RAI1: variants seen among roughly 807,000 people sequenced by gnomAD.
The protein encoded by RAI1 is retinoic acid induced 1, also known as retinoic acid-induced protein 1.
Under a neutral mutation model 123.8 loss-of-function variants are expected in RAI1, and 9 were observed. The observed-to-expected ratio is 0.07, with a 90% CI of 0.04 to 0.13. RAI1 has a LOEUF of 0.13. Among genes scored for constraint, RAI1 ranks in the 10% least tolerant of loss-of-function variants. The pLI, the probability that RAI1 is intolerant of heterozygous loss-of-function variation, is 1.00. For synonymous variants in RAI1, 1,231 were observed against 1,127.3 expected (o/e 1.09, Z -1.84); for missense variants, 2,256 against 2,545.8 (o/e 0.89, Z 2.45).
At chr17:17,731,230 A>C (rs1158704075) in intron 2 of RAI1, among the ~76,000 whole-genome samples, 1 of 152,188 alleles carries the variant, frequency 6.6e-6, no homozygotes. Context: ...CATCTGATTC[A>C]TGCCTCGTTT....
chr17:17,702,920 G>A (rs905615219), intron 1 of RAI1, among the ~76,000 whole-genome samples: 1 of 152,216 alleles, frequency 6.6e-6, no homozygotes, highest in African/African-American at 2.4e-5. Context: ...TTGTAACTGC[G>A]GAGCTGTGCG....
At chr17:17,705,372 G>A (rs540281737) in intron 1 of RAI1, among the ~76,000 whole-genome samples, 2 of 152,334 alleles carry the variant, frequency 1.3e-5, no homozygotes, top group African/African-American at 2.4e-5. Flanking sequence ...GGTCACGCCT[G>A]TAATCCGAGC....
rs1457713614 is a variant in RAI1, at chr17:17,799,473, T to C, written c.5565+960T>C. ...GGGGTGCACCTCTCCCCCGGGGCCA[T>C]GCTTCTGCCCCCACATTCAACCCCG... On this transcript the variant is annotated intron_variant, in intron 3 of 5. Coordinates refer to ENST00000353383, the MANE Select transcript of RAI1 (RefSeq NM_030665.4). This position sits in a 1 kb window ranked among gnomAD's most constrained non-coding sequence, Gnocchi z 4.5. 6.6e-6 allele frequency among the ~76,000 whole-genome samples: 1 copy of C among 152,082 alleles called. No homozygotes were observed. The highest frequency in any genetic ancestry group is 2.4e-5 in the African/African-American group (1 of 41,386).
chr17:17,770,321 A>G (rs2031102475), intron 2 of RAI1, among the ~76,000 whole-genome samples: 1 of 152,148 alleles, frequency 6.6e-6, no homozygotes, highest in Non-Finnish European at 1.5e-5. Context: ...CCCGAAAAAA[A>G]AACATAAAAC....
At chr17:17,718,626 T>C (rs1032213676) in intron 1 of RAI1, among the ~76,000 whole-genome samples, 2 of 152,018 alleles carry the variant, frequency 1.3e-5, no homozygotes, top group South Asian at 4.1e-4. Context: ...AAAGGAGATA[T>C]GTGTGGGCAG....
rs4032533 is a variant in RAI1, at chr17:17,809,050, G to A, written c.5660-340G>A. ...CAAGATCACACAGGCCAGTCTCTTA[G>A]GAGGCAGTGACAAGTGTGGCTGGCA... On this transcript the variant is annotated intron_variant, in intron 4 of 5. Transcript: ENST00000353383. The surrounding 1 kb of genome is among the most constrained non-coding windows in gnomAD (Gnocchi z 4.9). 18 of 415,686 alleles carry A rather than the reference G, an allele frequency of 4.3e-5. No individual in the cohort carries two copies. In the East Asian group the frequency reaches 9.1e-4, roughly 21 times the overall value. 25.7% of individuals were successfully genotyped at this position (415,686 alleles called of 1,614,324 possible). A position where few individuals can be genotyped will look rare whatever the true frequency, so the allele number is the denominator to read the frequency against.
chr17:17,688,302 T>G (rs992540568), intron 1 of RAI1, among the ~76,000 whole-genome samples: 28 of 151,832 alleles, frequency 1.8e-4, no homozygotes, highest in Non-Finnish European at 2.1e-4. Flanking sequence ...CTGGCCAACA[T>G]GATGAAACCC....
At chr17:17,690,263 TG>T (rs977827265) in intron 1 of RAI1, among the ~76,000 whole-genome samples, 7 of 151,728 alleles carry the variant, frequency 4.6e-5, no homozygotes, top group African/African-American at 1.7e-4. Flanking sequence ...GGTGGGCGCC[TG>T]TAATCCCAGC....
At chr17:17,756,345 C>T (rs1252113463) in intron 2 of RAI1, among the ~76,000 whole-genome samples, 1 of 151,806 alleles carries the variant, frequency 6.6e-6, no homozygotes, top group Non-Finnish European at 1.5e-5. Context: ...TTACAGGTGC[C>T]TGCCACCATG....
intron 2 of RAI1, among the ~76,000 whole-genome samples, chr17:17,735,108 A>T (rs912460894): frequency 3.9e-5 from 6 of 151,992 alleles, no homozygotes; most frequent in African/African-American, 7.3e-5. Context: ...GCTGGAGTGC[A>T]ATGGCATGAT....
At position 17,797,469 on chromosome 17, in the gene RAI1, C is replaced by T. The variant is rs1453032967; in HGVS notation, c.4521C>T (p.Ala1507=). The change falls in exon 3 of 6, where the codon GCC becomes GCT. Residue 1507 remains alanine (A), a synonymous_variant. Coordinates refer to ENST00000353383, the MANE Select transcript of RAI1 (RefSeq NM_030665.4). ...KKPKMEELGL[A]SQPPEGRPCQ... Reference sequence around the variant, plus strand: ...CAAAGATGGAGGAGCTGGGCCTGGCCTCCCAGCCCCCGGAGGGCAGGCCCT... The same window carrying T: ...CAAAGATGGAGGAGCTGGGCCTGGCTTCCCAGCCCCCGGAGGGCAGGCCCT... 1 of 1,613,370 alleles carries T rather than the reference C, an allele frequency of 6.2e-7. No individual in the cohort carries two copies.
intron 2 of RAI1, among the ~76,000 whole-genome samples, chr17:17,743,726 C>T (rs949971689): frequency 3.3e-5 from 5 of 152,274 alleles, no homozygotes; most frequent in African/African-American, 9.6e-5. Flanking sequence ...GCACGGCTCC[C>T]GTCCTAGGAC....
chr17:17,744,970 C>T (rs916273163), intron 2 of RAI1, among the ~76,000 whole-genome samples: 4 of 152,036 alleles, frequency 2.6e-5, no homozygotes, highest in African/African-American at 4.8e-5. Context: ...TGCTGAACCC[C>T]GAGGATTTCA....
intron 2 of RAI1, among the ~76,000 whole-genome samples, chr17:17,758,241 A>C (rs11652525): frequency 0.04 from 6,148 of 152,240 alleles, 203 homozygotes; most frequent in Non-Finnish European, 0.061. Context: ...AGCCCTACCA[A>C]CCCGGCCACC....
intron 2 of RAI1, 40 bp from the exon 3 acceptor site, chr17:17,792,893 C>T: frequency 1.5e-6 from 1 of 689,614 alleles, no homozygotes; most frequent in Non-Finnish European, 2.6e-6. Flanking sequence ...CCTCCCCTCC[C>T]TCCTTCCCTC....
intron 1 of RAI1, among the ~76,000 whole-genome samples, chr17:17,696,830 C>A (rs1193347939): frequency 1.3e-5 from 2 of 152,240 alleles, no homozygotes; most frequent in Non-Finnish European, 2.9e-5. Flanking sequence ...AGGGAGGTCT[C>A]AGACCTTGGC....
At position 17,801,571 on chromosome 17, in the gene RAI1, G is replaced by T. The variant is rs895689559; in HGVS notation, c.5566-2185G>T. Among the ~76,000 whole-genome samples the T allele has an allele frequency of 7.9e-5, 12 of 152,168 alleles. No homozygotes were observed. Among genetic ancestry groups the T allele is most frequent in the African/African-American group, 2.7e-4 (11 of 41,420 alleles). ...GGCTTGTGTTTCGTCATCCCTTTTGGGTCAGGAACTGGGGACGCTGGACTC... is the reference window on the plus strand; with the variant it reads ...GGCTTGTGTTTCGTCATCCCTTTTGTGTCAGGAACTGGGGACGCTGGACTC... On this transcript the variant is annotated intron_variant, in intron 3 of 5. Transcript: ENST00000353383. The surrounding 1 kb of genome is among the most constrained non-coding windows in gnomAD (Gnocchi z 4.1).
At position 17,797,117 on chromosome 17, in the gene RAI1, A is replaced by G. The variant is rs765088754; in HGVS notation, c.4169A>G (p.Lys1390Arg). 6.2e-7 allele frequency: 1 copy of G among 1,613,930 alleles called. No homozygotes were observed. Among genetic ancestry groups the G allele is most frequent in the Non-Finnish European group, 8.5e-7 (1 of 1,180,048 alleles). ...EGLVNVGTGQ[K>R]LPTSGADPLC... ...CTGGTAAATGTGGGCACCGGGCAGA[A>G]GCTCCCAACTTCTGGGGCTGATCCG... The change falls in exon 3 of 6, where the codon AAG (lysine) becomes AGG (arginine). Residue 1390 changes from lysine (K) to arginine (R), a missense_variant. Around this residue, in one of 7 missense-constraint regions of RAI1, gnomAD observed 410 missense variants for 374.6 expected, o/e 1.09. Coordinates refer to ENST00000353383, the MANE Select transcript of RAI1 (RefSeq NM_030665.4).
intron 1 of RAI1, among the ~76,000 whole-genome samples, chr17:17,699,822 C>A (rs1915159091): frequency 6.6e-6 from 1 of 152,216 alleles, no homozygotes; most frequent in Non-Finnish European, 1.5e-5. Context: ...CCCCACCACT[C>A]CACCCCACCC....
Sources: gnomAD v4.1 joint callset for allele counts (sites outside exome capture counted in the v4.1 genomes callset) on GRCh38, gnomAD v4.1.1 for gene constraint, gnomAD v4.1.1 regional missense constraint, Gnocchi (gnomAD v3.1) non-coding constraint, MANE v1.5 for transcripts, NCBI Gene and HGNC (gene_info 2026-07-23, HGNC 2026-07-21) for gene names.